The following TRAF3 variants were observed in gnomAD, a reference collection of about 807,000 sequenced individuals.
TRAF3 encodes the protein TNF receptor associated factor 3, also known as TNF receptor-associated factor 3.
A neutral mutation model predicts 62.3 loss-of-function variants in TRAF3; 13 were observed. The observed-to-expected ratio is 0.21, with a 90% CI of 0.14 to 0.33. The LOEUF (loss-of-function observed/expected upper bound fraction) is 0.33, where lower values mean the gene tolerates loss of function less well. Ranked by LOEUF, TRAF3 falls within the 10% of genes least tolerant of loss-of-function variation. The pLI, the probability that TRAF3 is intolerant of heterozygous loss-of-function variation, is 1.00. For synonymous variants in TRAF3, 269 were observed against 283.4 expected (o/e 0.95, Z 0.51); for missense variants, 440 against 741.8 (o/e 0.59, Z 4.73).
chr14:102,846,604 A>T (rs1295569854), intron 2 of TRAF3, among the ~76,000 whole-genome samples: 1 of 143,500 alleles, frequency 7.0e-6, no homozygotes, highest in Non-Finnish European at 1.5e-5. Context: ...GGAGTTCCAG[A>T]CCAGTCTAGG....
chr14:102,885,749 A>T lies in TRAF3; in HGVS notation c.571-440A>T, dbSNP rs150994513. 2.5e-3 allele frequency among the ~76,000 whole-genome samples: 377 copies of T among 152,300 alleles called. 2 individuals carry two copies. The South Asian group carries it at 0.031, about 12-fold the overall frequency. On this transcript the variant is annotated intron_variant, in intron 6 of 11. Coordinates refer to ENST00000392745, the MANE Select transcript of TRAF3 (RefSeq NM_145725.3). ...GACTCCAAACTAAGAGGCCAAGGGA[A>T]ACCCTCCGTCTCTCAACCAGCAGAG...
At chr14:102,899,940 GA>G (rs923475741) in intron 10 of TRAF3, among the ~76,000 whole-genome samples, 2 of 151,768 alleles carry the variant, frequency 1.3e-5, no homozygotes, top group Admixed American at 1.3e-4. Context: ...AGCACTTTGG[GA>G]GGCCGAGGCG....
At chr14:102,787,340 C>T (rs1023429743) in intron 1 of TRAF3, among the ~76,000 whole-genome samples, 3 of 152,064 alleles carry the variant, frequency 2.0e-5, no homozygotes, top group African/African-American at 4.8e-5. Flanking sequence ...TATTTAAATT[C>T]GTATTTTAGC....
chr14:102,846,085 ACT>A (rs1008564095), intron 2 of TRAF3, among the ~76,000 whole-genome samples: 5 of 151,792 alleles, frequency 3.3e-5, no homozygotes, highest in African/African-American at 1.2e-4. Context: ...AGCAACAGAA[ACT>A]CTCTCATACC....
intron 2 of TRAF3, among the ~76,000 whole-genome samples, chr14:102,840,527 G>A (rs2139676518): frequency 6.6e-6 from 1 of 152,190 alleles, no homozygotes; most frequent in East Asian, 1.9e-4. Flanking sequence ...CACCACGCCT[G>A]GCCCAAAACC....
intron 1 of TRAF3, among the ~76,000 whole-genome samples, chr14:102,784,726 A>G (rs1897414899): frequency 6.6e-6 from 1 of 152,316 alleles, no homozygotes; most frequent in Admixed American, 6.5e-5. Context: ...ACCATGTAGT[A>G]GGTGCCACAA....
At chr14:102,835,892 T>G (rs1048459913) in intron 2 of TRAF3, among the ~76,000 whole-genome samples, 2 of 152,284 alleles carry the variant, frequency 1.3e-5, no homozygotes, top group East Asian at 3.9e-4. Context: ...GCACATGTAC[T>G]TCTGAACCTA....
At chr14:102,886,485 G>A (rs1889396901) in intron 7 of TRAF3, among the ~76,000 whole-genome samples, 1 of 152,204 alleles carries the variant, frequency 6.6e-6, no homozygotes, top group African/African-American at 2.4e-5. Flanking sequence ...GCCGGGCACA[G>A]TGGCTCACAC....
chr14:102,874,998 A>G (rs1001909284), intron 4 of TRAF3, among the ~76,000 whole-genome samples: 5 of 152,158 alleles, frequency 3.3e-5, no homozygotes, highest in African/African-American at 1.2e-4. Flanking sequence ...TTATTAGACT[A>G]ACTTCAGACT....
At chr14:102,788,072 C>G (rs1183148808) in intron 1 of TRAF3, among the ~76,000 whole-genome samples, 1 of 151,714 alleles carries the variant, frequency 6.6e-6, no homozygotes, top group African/African-American at 2.4e-5. Context: ...CCAGGCTGGT[C>G]TCGAACTCCT....
intron 1 of TRAF3, among the ~76,000 whole-genome samples, chr14:102,818,586 T>G (rs1376209794): frequency 2.6e-5 from 4 of 152,208 alleles, no homozygotes; most frequent in African/African-American, 9.7e-5. Context: ...TAACTGAAAC[T>G]TTGTACCATT....
chr14:102,809,967 A>T (rs562947866), intron 1 of TRAF3, among the ~76,000 whole-genome samples: 1 of 152,350 alleles, frequency 6.6e-6, no homozygotes, highest in East Asian at 1.9e-4. Context: ...AAAACGTTGG[A>T]GCACGGCATG....
At position 102,886,282 on chromosome 14, in the gene TRAF3, G is replaced by A. The variant is rs368761698; in HGVS notation, c.651+13G>A. The A allele has an allele frequency of 3.4e-5, 55 of 1,600,592 alleles. No individual in the cohort carries two copies. In the African/African-American group the frequency reaches 4.4e-4, roughly 13 times the overall value. ...CCTGAGGAGCGAGGTAGGGGCGGCC[G>A]GGCCCGGCCGGGAGTCTGTGGAGTC... On this transcript the variant is annotated intron_variant, in intron 7 of 11. Transcript: ENST00000392745.
intron 1 of TRAF3, among the ~76,000 whole-genome samples, chr14:102,817,709 A>C (rs1054970833): frequency 5.9e-5 from 9 of 152,222 alleles, no homozygotes; most frequent in Admixed American, 1.3e-4. Flanking sequence ...ACAAAATGTA[A>C]TACTTCATAT....
intron 1 of TRAF3, among the ~76,000 whole-genome samples, chr14:102,819,499 G>A (rs747104070): frequency 1.3e-5 from 2 of 152,214 alleles, no homozygotes; most frequent in African/African-American, 2.4e-5. Context: ...CAGCATGTTT[G>A]TAGAATGAAC....
At chr14:102,862,034 A>G (rs1332915093) in intron 2 of TRAF3, among the ~76,000 whole-genome samples, 2 of 152,178 alleles carry the variant, frequency 1.3e-5, no homozygotes, top group East Asian at 1.9e-4. Flanking sequence ...TTGGTGCTCA[A>G]AAGTTTTTCA....
chr14:102,834,619 C>G (rs1403058171), intron 2 of TRAF3, among the ~76,000 whole-genome samples: 7 of 141,766 alleles, frequency 4.9e-5, no homozygotes, highest in African/African-American at 8.1e-5. Context: ...ACCCGGGAGG[C>G]GGAGCTTGCA....
At chr14:102,869,804 T>TAA (rs1168298718) in intron 2 of TRAF3, among the ~76,000 whole-genome samples, 64 of 132,940 alleles carry the variant, frequency 4.8e-4, no homozygotes, top group Middle Eastern at 3.9e-3. Context: ...AGACTCCGTC[T>TAA]AAAAAAAAAA....
chr14:102,815,084 A>G (rs747532735), intron 1 of TRAF3, among the ~76,000 whole-genome samples: 1 of 152,022 alleles, frequency 6.6e-6, no homozygotes. Flanking sequence ...TACAGGCGGT[A>G]CCATTATGCC....
Sources: gnomAD v4.1 joint callset for allele counts (sites outside exome capture counted in the v4.1 genomes callset) on GRCh38, gnomAD v4.1.1 for gene constraint, MANE v1.5 for transcripts, NCBI Gene and HGNC (gene_info 2026-07-23, HGNC 2026-07-21) for gene names.